Variants in COL6A5 observed in about 807,000 individuals in gnomAD.
The protein encoded by COL6A5 is collagen type VI alpha 5 chain, also known as collagen alpha-5(VI) chain.
Under a neutral mutation model 65.6 loss-of-function variants are expected in COL6A5, and 48 were observed. The observed-to-expected ratio is 0.73, with a 90% CI of 0.58 to 0.93. COL6A5 has a LOEUF of 0.93. Ranked by LOEUF, COL6A5 falls within the 40% of genes least tolerant of loss-of-function variation. The probability of loss-of-function intolerance (pLI) is 0.00; values close to 1 mark genes in which losing one functional copy is unlikely to be tolerated. For missense variants in COL6A5, 914 were observed against 928.3 expected (o/e 0.98, Z 0.20); for synonymous variants, 291 against 322.8 (o/e 0.90, Z 1.05).
At chr3:130,447,441 T>G (rs950052070) in intron 4 of COL6A5, among the ~76,000 whole-genome samples, 1 of 152,184 alleles carries the variant, frequency 6.6e-6, no homozygotes, top group African/African-American at 2.4e-5. Flanking sequence ...CAAATTTATC[T>G]TTTAATCCAG....
intron 5 of COL6A5, among the ~76,000 whole-genome samples, chr3:130,459,292 T>G (rs1319738619): frequency 6.6e-6 from 1 of 152,112 alleles, no homozygotes; most frequent in Non-Finnish European, 1.5e-5. Context: ...TGTTTTTAAT[T>G]TTTCTAACTT....
At chr3:130,396,257 C>G (rs990803476) in intron 8 of COL6A5, among the ~76,000 whole-genome samples, 1 of 152,200 alleles carries the variant, frequency 6.6e-6, no homozygotes, top group African/African-American at 2.4e-5. Flanking sequence ...TGCAGAAATT[C>G]CTTAGAGTTC....
At chr3:130,403,662 T>C in exon 13 of COL6A5, 9 of 1,550,512 alleles carry the variant, frequency 5.8e-6, no homozygotes, top group Non-Finnish European at 7.9e-6. Flanking sequence ...ATGGAAACCC[T>C]GTAAGTTTTT....
intron 5 of COL6A5, among the ~76,000 whole-genome samples, chr3:130,387,744 G>A (rs1009233232): frequency 5.3e-5 from 8 of 152,000 alleles, no homozygotes; most frequent in African/African-American, 1.9e-4. Context: ...AGAGATTACA[G>A]ATAGACAAAA....
chr3:130,390,018 T>C (rs973728339), intron 6 of COL6A5, among the ~76,000 whole-genome samples: 1 of 152,186 alleles, frequency 6.6e-6, no homozygotes, highest in Non-Finnish European at 1.5e-5. Flanking sequence ...CATAATGTCT[T>C]ATAAACACTT....
intron 5 of COL6A5, among the ~76,000 whole-genome samples, chr3:130,467,621 A>AATAAAATT (rs1709847945): frequency 6.6e-6 from 1 of 152,094 alleles, no homozygotes; most frequent in Non-Finnish European, 1.5e-5. Flanking sequence ...TGGAATTTAT[A>AATAAAATT]CTGGAAGGCA....
At chr3:130,387,530 A>G (rs1442163905) in intron 5 of COL6A5, among the ~76,000 whole-genome samples, 2 of 152,064 alleles carry the variant, frequency 1.3e-5, no homozygotes. Flanking sequence ...TTCTCCTCTC[A>G]TGACTTTCAA....
exon 5 of COL6A5, chr3:130,384,925 T>C: frequency 6.4e-7 from 1 of 1,550,978 alleles, no homozygotes; most frequent in Non-Finnish European, 8.7e-7. Flanking sequence ...TGTTTAGCAT[T>C]GGCCCAGACA....
At chr3:130,475,457 C>T (rs1710070419) in intron 7 of COL6A5, among the ~76,000 whole-genome samples, 1 of 151,872 alleles carries the variant, frequency 6.6e-6, no homozygotes, top group African/African-American at 2.4e-5. Context: ...GGAACAACTT[C>T]TTTTTTTTCT....
chr3:130,466,333 A>C (rs1045840698), intron 5 of COL6A5, among the ~76,000 whole-genome samples: 9 of 152,022 alleles, frequency 5.9e-5, no homozygotes, highest in African/African-American at 2.2e-4. Flanking sequence ...AAACTCCCTA[A>C]GTATTTGGAA....
chr3:130,463,801 A>G (rs1709752998), intron 5 of COL6A5, among the ~76,000 whole-genome samples: 1 of 152,086 alleles, frequency 6.6e-6, no homozygotes, highest in Non-Finnish European at 1.5e-5. Context: ...CTCCCTAAGT[A>G]AGATGAATTT....
intron 5 of COL6A5, 51 bp downstream of exon 37, chr3:130,455,717 A>G (rs185579129): frequency 1.4e-6 from 2 of 1,397,548 alleles, no homozygotes; most frequent in Middle Eastern, 2.3e-4. Flanking sequence ...CAGGATCCTC[A>G]TCTTTTAACA....
chr3:130,471,969 T>A (rs1456818182), intron 7 of COL6A5, 43 bp downstream of exon 40: 2 of 1,505,480 alleles, frequency 1.3e-6, no homozygotes, highest in East Asian at 4.9e-5. Flanking sequence ...CAAGTACCTT[T>A]GTTTGGATTT....
intron 5 of COL6A5, among the ~76,000 whole-genome samples, chr3:130,460,966 T>C (rs1027116247): frequency 1.3e-5 from 2 of 151,698 alleles, no homozygotes. Context: ...GACGGCAAGT[T>C]GGTTGGATGA....
intron 24 of COL6A5, among the ~76,000 whole-genome samples, chr3:130,417,911 A>T (rs1937397044): frequency 6.6e-6 from 1 of 152,128 alleles, no homozygotes; most frequent in Admixed American, 6.6e-5. Flanking sequence ...CCTCCAGGAA[A>T]TATTCAAACT....
upstream of COL6A5, among the ~76,000 whole-genome samples, chr3:130,430,466 G>A (rs1163193092): frequency 6.6e-6 from 1 of 152,086 alleles, no homozygotes; most frequent in Non-Finnish European, 1.5e-5. Flanking sequence ...GCCAGATTGG[G>A]GATAGAGAAC....
intron 7 of COL6A5, 25 bp downstream of exon 40, chr3:130,471,951 A>G: frequency 6.5e-7 from 1 of 1,527,522 alleles, no homozygotes; most frequent in Non-Finnish European, 8.8e-7. Flanking sequence ...CATAGAGCTG[A>G]AGACCCTCAA....
chr3:130,374,035 G>A (rs1328702969), intron 2 of COL6A5, among the ~76,000 whole-genome samples: 3 of 152,056 alleles, frequency 2.0e-5, no homozygotes, highest in Admixed American at 6.5e-5. Context: ...AAAGGAACCC[G>A]ACACAGAAAA....
chr3:130,469,087 G>C, exon 6 of COL6A5: 2 of 1,612,886 alleles, frequency 1.2e-6, no homozygotes, highest in Non-Finnish European at 1.7e-6. Flanking sequence ...AATTTGATTT[G>C]GTTACTTATA....
Sources: allele counts gnomAD v4.1 joint callset (sites outside exome capture counted in the v4.1 genomes callset), GRCh38; gene constraint gnomAD v4.1.1; transcripts MANE v1.5; gene names NCBI Gene and HGNC (gene_info 2026-07-23, HGNC 2026-07-21).